RAP1GDS1: variants seen among roughly 807,000 people sequenced by gnomAD.
RAP1GDS1 encodes the protein Rap1 GTPase-GDP dissociation stimulator 1.
A neutral mutation model predicts 71.1 loss-of-function variants in RAP1GDS1; 35 were observed. That is an observed-to-expected ratio of 0.49 (90% CI 0.38 to 0.65). The LOEUF (loss-of-function observed/expected upper bound fraction) is 0.65, where lower values mean the gene tolerates loss of function less well. Ranked by LOEUF, RAP1GDS1 falls within the 30% of genes least tolerant of loss-of-function variation. The pLI is 0.00. For synonymous variants in RAP1GDS1, 229 were observed against 243.1 expected (o/e 0.94, Z 0.54); for missense variants, 663 against 706.1 (o/e 0.94, Z 0.69).
intron 6 of RAP1GDS1, among the ~76,000 whole-genome samples, chr4:98,394,478 T>A (rs1744224178): frequency 6.6e-6 from 1 of 152,066 alleles, no homozygotes; most frequent in Admixed American, 6.6e-5. Context: ...ATGTAGTATG[T>A]CCATATAAGG....
chr4:98,367,363 G>A (rs1276273631), intron 4 of RAP1GDS1, among the ~76,000 whole-genome samples: 2 of 152,212 alleles, frequency 1.3e-5, no homozygotes, highest in Non-Finnish European at 2.9e-5. Flanking sequence ...GCAGAAGTTT[G>A]CTTCAGGGGT....
At chr4:98,352,032 A>G (rs926204381) in intron 3 of RAP1GDS1, among the ~76,000 whole-genome samples, 1 of 150,740 alleles carries the variant, frequency 6.6e-6, no homozygotes, top group Non-Finnish European at 1.5e-5. Context: ...TTATATTTAT[A>G]GGCTTTTTTA....
At position 98,391,942 on chromosome 4, in the gene RAP1GDS1, GT is replaced by G; in HGVS notation, c.509-5del. 6.7e-7 allele frequency: 1 copy of G among 1,500,228 alleles called. No individual in the cohort carries two copies. Among genetic ancestry groups the G allele is most frequent in the Admixed American group, 2.2e-5 (1 of 45,860 alleles). 92.9% of individuals were successfully genotyped at this position (1,500,228 alleles called of 1,614,324 possible). A position where few individuals can be genotyped will look rare whatever the true frequency, so the allele number is the denominator to read the frequency against. On this transcript the variant is annotated splice_polypyrimidine_tract_variant and intron_variant, in intron 5 of 14. Coordinates refer to ENST00000408927, the MANE Select transcript of RAP1GDS1 (RefSeq NM_001100427.2). ...TCTTTTCTGTTGTTGTTTTTTTTTTGTTTTTACAGATTCGCTTCAAGCTCAG... is the reference window on the plus strand; with the variant it reads ...TCTTTTCTGTTGTTGTTTTTTTTTTGTTTTACAGATTCGCTTCAAGCTCAG...
chr4:98,271,529 A>G (rs757572750), intron 1 of RAP1GDS1, among the ~76,000 whole-genome samples: 6 of 152,160 alleles, frequency 3.9e-5, no homozygotes, highest in Non-Finnish European at 8.8e-5. Context: ...TATCCACCAT[A>G]CAGACATAAT....
At chr4:98,355,396 A>G (rs1226160381) in intron 4 of RAP1GDS1, among the ~76,000 whole-genome samples, 1 of 152,154 alleles carries the variant, frequency 6.6e-6, no homozygotes, top group African/African-American at 2.4e-5. Context: ...CATTTTATTA[A>G]TGTACTCCAA....
At chr4:98,399,613 G>T (rs934730259) in intron 6 of RAP1GDS1, among the ~76,000 whole-genome samples, 20 of 152,014 alleles carry the variant, frequency 1.3e-4, no homozygotes, top group African/African-American at 3.6e-4. Context: ...TTTTAAAATG[G>T]GCAAATTATC....
In RAP1GDS1 at chr4:98,442,186, C is replaced by A. The variant is rs762882701; in HGVS notation, c.*69C>A. ...CTGTCCTCCATCCAGCGGCTTCTTC[C>A]GCTTCATTCTCTACCATACCACTTG... On this transcript the variant is annotated 3_prime_UTR_variant, in exon 15 of 15. Coordinates refer to ENST00000408927, the MANE Select transcript of RAP1GDS1 (RefSeq NM_001100427.2). 6 of 1,575,120 alleles carry A rather than the reference C, an allele frequency of 3.8e-6. No homozygotes were observed. In the African/African-American group the frequency reaches 5.4e-5, roughly 14 times the overall value.
At chr4:98,276,902 A>C (rs950157423) in intron 1 of RAP1GDS1, among the ~76,000 whole-genome samples, 1 of 152,126 alleles carries the variant, frequency 6.6e-6, no homozygotes, top group African/African-American at 2.4e-5. Flanking sequence ...ATATTGTGAG[A>C]TCTGGAACCT....
intron 1 of RAP1GDS1, among the ~76,000 whole-genome samples, chr4:98,285,826 A>G (rs898547545): frequency 7.7e-6 from 1 of 129,060 alleles, no homozygotes; most frequent in South Asian, 2.4e-4. Context: ...ATAATAAATA[A>G]TTATAAATAA....
chr4:98,307,162 A>G (rs549197965), intron 2 of RAP1GDS1, among the ~76,000 whole-genome samples: 14 of 151,790 alleles, frequency 9.2e-5, no homozygotes, highest in Non-Finnish European at 1.8e-4. Flanking sequence ...TCCTAATACA[A>G]TGTGTTGTTT....
chr4:98,409,601 A>G (rs141583718), intron 7 of RAP1GDS1: 47 of 213,980 alleles, frequency 2.2e-4, no homozygotes, highest in Admixed American at 4.2e-4. Context: ...TCCCCGAAAC[A>G]CATGAAGGAA....
chr4:98,390,973 T>A (rs899158963), intron 5 of RAP1GDS1, among the ~76,000 whole-genome samples: 4 of 152,042 alleles, frequency 2.6e-5, no homozygotes, highest in Non-Finnish European at 4.4e-5. Flanking sequence ...AGCTTGAAAA[T>A]GGCATATCAT....
chr4:98,415,206 C>G (rs1041317345), intron 7 of RAP1GDS1, among the ~76,000 whole-genome samples: 1 of 152,124 alleles, frequency 6.6e-6, no homozygotes, highest in Non-Finnish European at 1.5e-5. Flanking sequence ...GCAGTCAGAC[C>G]TTTGGTTGTC....
At chr4:98,408,231 A>G (rs572644468) in intron 7 of RAP1GDS1, among the ~76,000 whole-genome samples, 2 of 151,966 alleles carry the variant, frequency 1.3e-5, no homozygotes, top group African/African-American at 4.8e-5. Flanking sequence ...GGTTCAAGCA[A>G]TTCTCCTGCC....
intron 2 of RAP1GDS1, among the ~76,000 whole-genome samples, chr4:98,296,018 ACTTG>A (rs1361919678): frequency 7.3e-6 from 1 of 136,132 alleles, no homozygotes; most frequent in Non-Finnish European, 1.5e-5. Flanking sequence ...AAGAATCTGT[ACTTG>A]CTTTTTAAAC....
At chr4:98,331,759 A>G (rs1280860079) in intron 2 of RAP1GDS1, among the ~76,000 whole-genome samples, 1 of 152,202 alleles carries the variant, frequency 6.6e-6, no homozygotes, top group African/African-American at 2.4e-5. Flanking sequence ...GGGAAATCCC[A>G]AAGTTAATTC....
chr4:98,362,449 G>T (rs962714531), intron 4 of RAP1GDS1, among the ~76,000 whole-genome samples: 1 of 152,052 alleles, frequency 6.6e-6, no homozygotes, highest in Non-Finnish European at 1.5e-5. Flanking sequence ...CTCCAGCCTG[G>T]GTGACAGAGC....
chr4:98,411,002 ATATAT>A (rs1746985210), intron 7 of RAP1GDS1, among the ~76,000 whole-genome samples: 1 of 152,202 alleles, frequency 6.6e-6, no homozygotes, highest in Non-Finnish European at 1.5e-5. Context: ...CTTTCTAATA[ATATAT>A]TAAACTTAAC....
chr4:98,367,016 A>G (rs1739596610), intron 4 of RAP1GDS1, among the ~76,000 whole-genome samples: 1 of 152,188 alleles, frequency 6.6e-6, no homozygotes, highest in Non-Finnish European at 1.5e-5. Context: ...TCCCCAAGAC[A>G]GTGGGGAAAA....
Sources: gnomAD v4.1 joint callset for allele counts (sites outside exome capture counted in the v4.1 genomes callset) on GRCh38, gnomAD v4.1.1 for gene constraint, MANE v1.5 for transcripts, NCBI Gene and HGNC (gene_info 2026-07-23, HGNC 2026-07-21) for gene names.